Variants in ST6GALNAC5 observed in about 807,000 individuals in gnomAD.
ST6GALNAC5 encodes the protein alpha-N-acetylgalactosaminide alpha-2,6-sialyltransferase 5.
Under a neutral mutation model 33.6 loss-of-function variants are expected in ST6GALNAC5, and 27 were observed. The ratio of observed to expected loss-of-function variants is 0.80; its 90% confidence interval spans 0.59 to 1.11. ST6GALNAC5 has a LOEUF of 1.11. Ranked by LOEUF, ST6GALNAC5 falls within the 50% of genes least tolerant of loss-of-function variation. The pLI, the probability that ST6GALNAC5 is intolerant of heterozygous loss-of-function variation, is 0.00. For missense variants in ST6GALNAC5, 428 were observed against 454.0 expected, an observed-to-expected ratio of 0.94 and a Z score of 0.52; for synonymous variants, 194 against 171.2, an observed-to-expected ratio of 1.13 and a Z score of -1.04.
chr1:76,895,707 C>G lies in ST6GALNAC5; in HGVS notation c.261+26965C>G, dbSNP rs911652369. On this transcript the variant is annotated intron_variant, in intron 2 of 4. Transcript: ENST00000477717. ...GGCTTGGAGAAACAGTGTAAACTGG[C>G]AGTGTAAACAAGAGCAGGGCATGTA... Among the ~76,000 whole-genome samples, 186 of 152,214 alleles carry G rather than the reference C, an allele frequency of 1.2e-3. 2 individuals are homozygous for G. Among genetic ancestry groups the G allele is most frequent in the Non-Finnish European group, 1.9e-3 (132 of 68,020 alleles).
intron 2 of ST6GALNAC5, among the ~76,000 whole-genome samples, chr1:76,894,244 G>C (rs1654075427): frequency 6.6e-6 from 1 of 152,092 alleles, no homozygotes; most frequent in Admixed American, 6.5e-5. Context: ...TTTGAAATTT[G>C]CCTTGAATCT....
At chr1:76,937,788 T>C (rs758405782) in intron 2 of ST6GALNAC5, among the ~76,000 whole-genome samples, 1 of 152,100 alleles carries the variant, frequency 6.6e-6, no homozygotes, top group South Asian at 2.1e-4. Context: ...ATAATATTTA[T>C]AATTCATTAC....
intron 2 of ST6GALNAC5, among the ~76,000 whole-genome samples, chr1:77,026,462 G>A (rs531061550): frequency 5.3e-5 from 8 of 152,306 alleles, no homozygotes; most frequent in South Asian, 2.1e-4. Flanking sequence ...TCTCAGGGGC[G>A]TAATTCCAGC....
At chr1:76,892,163 C>T (rs966651800) in intron 2 of ST6GALNAC5, among the ~76,000 whole-genome samples, 4 of 152,178 alleles carry the variant, frequency 2.6e-5, no homozygotes, top group Admixed American at 1.3e-4. Flanking sequence ...TTGCAGGAAG[C>T]TTGATTTCAC....
chr1:76,876,939 G>A (rs932885853), intron 2 of ST6GALNAC5, among the ~76,000 whole-genome samples: 1 of 152,186 alleles, frequency 6.6e-6, no homozygotes, highest in Non-Finnish European at 1.5e-5. Context: ...ATGGGCATTT[G>A]AGCCACTTCC....
Position 77,042,779 on chromosome 1 carries a change from C to T in ST6GALNAC5, c.262-1425C>T, listed in dbSNP as rs574489882. Among the ~76,000 whole-genome samples, 6 of 152,296 alleles carry T rather than the reference C, an allele frequency of 3.9e-5. No homozygotes were observed. The East Asian group carries it at 7.7e-4, about 20-fold the overall frequency. The stretch of plus-strand genomic sequence containing the variant: ...CAGTTTCAAAGGGCTCAATCGAATA[C>T]GGTATCTATCTTAATTTTTTTTTAT... On this transcript the variant is annotated intron_variant, in intron 2 of 4. Transcript: ENST00000477717.
intron 2 of ST6GALNAC5, among the ~76,000 whole-genome samples, chr1:76,918,127 T>G (rs542341702): frequency 2.6e-5 from 4 of 152,274 alleles, no homozygotes; most frequent in African/African-American, 9.6e-5. Flanking sequence ...TTAAAAAAAG[T>G]TATTCAGCTG....
rs1344759612 is a variant in ST6GALNAC5 at position 76,999,484 on chromosome 1, TG to T, written c.262-44719del. On this transcript the variant is annotated intron_variant, in intron 2 of 4. Coordinates refer to ENST00000477717, the MANE Select transcript of ST6GALNAC5 (RefSeq NM_030965.3). ...GTCCAGAAATGTGCAGGTTTGGGTTTGTTTTTTTTTTTTCAATTATTATACT... is the reference window on the plus strand; with the variant it reads ...GTCCAGAAATGTGCAGGTTTGGGTTTTTTTTTTTTTTTCAATTATTATACT... Among the ~76,000 whole-genome samples the T allele has an allele frequency of 4.1e-3, 626 of 151,576 alleles. 4 individuals are homozygous for T. The highest frequency in any genetic ancestry group is 0.014 in the African/African-American group (567 of 41,124).
chr1:76,947,990 C>T (rs577801559), intron 2 of ST6GALNAC5, among the ~76,000 whole-genome samples: 2 of 152,182 alleles, frequency 1.3e-5, no homozygotes, highest in East Asian at 3.9e-4. Context: ...TCAGAAAAGT[C>T]AGGATACAGT....
At chr1:76,996,663 G>T (rs1649949875) in intron 2 of ST6GALNAC5, among the ~76,000 whole-genome samples, 3 of 152,282 alleles carry the variant, frequency 2.0e-5, no homozygotes, top group Admixed American at 6.5e-5. Flanking sequence ...AGGCCAGGAG[G>T]CTTAAATTTT....
intron 2 of ST6GALNAC5, among the ~76,000 whole-genome samples, chr1:76,944,398 C>T (rs1288035360): frequency 6.6e-6 from 1 of 151,924 alleles, no homozygotes; most frequent in Non-Finnish European, 1.5e-5. Flanking sequence ...AAGTCACAGG[C>T]CCAAGGGAGA....
At chr1:76,944,922 G>A (rs1220193266) in intron 2 of ST6GALNAC5, among the ~76,000 whole-genome samples, 2 of 152,080 alleles carry the variant, frequency 1.3e-5, no homozygotes, top group African/African-American at 2.4e-5. Flanking sequence ...GTGAAAATCT[G>A]ACCATATTTT....
chr1:76,962,209 C>T (rs555202702), intron 2 of ST6GALNAC5, among the ~76,000 whole-genome samples: 2 of 152,172 alleles, frequency 1.3e-5, no homozygotes, highest in African/African-American at 4.8e-5. Flanking sequence ...GAAGATTGAA[C>T]AAAACATGAT....
At chr1:76,882,660 T>C (rs1488558124) in intron 2 of ST6GALNAC5, among the ~76,000 whole-genome samples, 1 of 152,166 alleles carries the variant, frequency 6.6e-6, no homozygotes, top group African/African-American at 2.4e-5. Context: ...CAGTGCCAAA[T>C]AATTTTTTAA....
At chr1:76,902,570 G>A (rs1288431530) in intron 2 of ST6GALNAC5, among the ~76,000 whole-genome samples, 4 of 152,120 alleles carry the variant, frequency 2.6e-5, no homozygotes, top group Non-Finnish European at 5.9e-5. Context: ...ACTCAGAATA[G>A]CCAAAACAAT....
At chr1:76,953,985 C>T (rs935282501) in intron 2 of ST6GALNAC5, among the ~76,000 whole-genome samples, 10 of 152,056 alleles carry the variant, frequency 6.6e-5, no homozygotes, top group African/African-American at 2.4e-4. Flanking sequence ...TGCGTAACAA[C>T]TAGCTCACAA....
intron 2 of ST6GALNAC5, among the ~76,000 whole-genome samples, chr1:76,912,261 C>A (rs1646922030): frequency 1.3e-5 from 2 of 152,114 alleles, no homozygotes; most frequent in South Asian, 4.2e-4. Flanking sequence ...ATCCTGAGTT[C>A]TAGTTTGATT....
chr1:77,005,215 C>G (rs1051931082), intron 2 of ST6GALNAC5, among the ~76,000 whole-genome samples: 16 of 152,214 alleles, frequency 1.1e-4, no homozygotes, highest in African/African-American at 3.9e-4. Flanking sequence ...TTAAGCTGGT[C>G]CGAAAAGCGC....
At chr1:76,905,128 GA>G (rs1278092535) in intron 2 of ST6GALNAC5, among the ~76,000 whole-genome samples, 1 of 152,140 alleles carries the variant, frequency 6.6e-6, no homozygotes, top group African/African-American at 2.4e-5. Context: ...AAATTAAAAA[GA>G]AACTAAATAC....
Sources: allele counts gnomAD v4.1 joint callset (sites outside exome capture counted in the v4.1 genomes callset), GRCh38; gene constraint gnomAD v4.1.1; transcripts MANE v1.5; gene names NCBI Gene and HGNC (gene_info 2026-07-23, HGNC 2026-07-21).